Variants in SPATA16 observed in about 807,000 individuals in gnomAD.
SPATA16 encodes spermatogenesis associated 16.
In SPATA16, 36 loss-of-function variants were observed where a neutral mutation model predicts 63.3. That is an observed-to-expected ratio of 0.57 (90% CI 0.44 to 0.75). The LOEUF is 0.75. Ranked by LOEUF, SPATA16 falls within the 30% of genes least tolerant of loss-of-function variation. SPATA16 has a pLI of 0.00. For synonymous variants in SPATA16, 203 were observed against 216.7 expected (o/e 0.94, Z 0.56); for missense variants, 646 against 679.3 (o/e 0.95, Z 0.54).
intron 5 of SPATA16, among the ~76,000 whole-genome samples, chr3:172,971,050 G>T (rs142072912): frequency 5.8e-4 from 88 of 152,220 alleles, no homozygotes; most frequent in African/African-American, 2.1e-3. Flanking sequence ...TGATTCTCTG[G>T]TCTGTTTAGA....
intron 8 of SPATA16, among the ~76,000 whole-genome samples, chr3:172,923,811 G>A (rs1380008180): frequency 2.0e-5 from 3 of 152,118 alleles, no homozygotes; most frequent in African/African-American, 7.2e-5. Flanking sequence ...ATCTTGAAAA[G>A]GTCTGAATTC....
At chr3:173,049,567 G>A (rs1449352633) in intron 2 of SPATA16, among the ~76,000 whole-genome samples, 1 of 152,074 alleles carries the variant, frequency 6.6e-6, no homozygotes, top group Non-Finnish European at 1.5e-5. Context: ...ATAATAAGAG[G>A]TATCGGAAGT....
intron 4 of SPATA16, among the ~76,000 whole-genome samples, chr3:173,014,692 C>T (rs1482026727): frequency 6.6e-6 from 1 of 152,222 alleles, no homozygotes; most frequent in Non-Finnish European, 1.5e-5. Context: ...GTTGAACCTA[C>T]ATTCCCATAG....
At chr3:172,891,651 T>C (rs1256436769) in intron 10 of SPATA16, among the ~76,000 whole-genome samples, 1 of 152,244 alleles carries the variant, frequency 6.6e-6, no homozygotes, top group East Asian at 1.9e-4. Flanking sequence ...GTTTCACTTG[T>C]ATCTCTGGTG....
intron 6 of SPATA16, among the ~76,000 whole-genome samples, chr3:172,940,997 A>G (rs1187507870): frequency 6.6e-6 from 1 of 152,186 alleles, no homozygotes; most frequent in Non-Finnish European, 1.5e-5. Context: ...GATAAAAATA[A>G]AAATAAAATA....
chr3:173,131,154 G>GA (rs966171557), intron 1 of SPATA16, among the ~76,000 whole-genome samples: 1 of 151,752 alleles, frequency 6.6e-6, no homozygotes, highest in Non-Finnish European at 1.5e-5. Flanking sequence ...GAACTGCTTG[G>GA]AAAAAAAATT....
chr3:172,940,352 T>A (rs1203053032), intron 6 of SPATA16, among the ~76,000 whole-genome samples: 1 of 152,204 alleles, frequency 6.6e-6, no homozygotes. Context: ...TGTGGATAGT[T>A]ATCAGAATTG....
intron 5 of SPATA16, among the ~76,000 whole-genome samples, chr3:172,968,549 G>A (rs1258337470): frequency 6.6e-6 from 1 of 152,154 alleles, no homozygotes; most frequent in African/African-American, 2.4e-5. Context: ...CTATGTATAT[G>A]TATATAGTAA....
intron 10 of SPATA16, among the ~76,000 whole-genome samples, chr3:172,906,717 A>T (rs1255039619): frequency 6.6e-6 from 1 of 152,120 alleles, no homozygotes; most frequent in African/African-American, 2.4e-5. Flanking sequence ...GCAAACTGCT[A>T]AACTTCTCTC....
At chr3:172,993,281 A>G (rs1734622464) in intron 4 of SPATA16, among the ~76,000 whole-genome samples, 1 of 152,162 alleles carries the variant, frequency 6.6e-6, no homozygotes, top group African/African-American at 2.4e-5. Flanking sequence ...TTAAGCTCAC[A>G]GGCAATGGAT....
At chr3:172,911,537 T>C (rs137900102) in intron 10 of SPATA16, among the ~76,000 whole-genome samples, 36 of 152,368 alleles carry the variant, frequency 2.4e-4, no homozygotes, top group Non-Finnish European at 5.0e-4. Context: ...CTTCATAAGT[T>C]ACTTAACCAT....
intron 3 of SPATA16, among the ~76,000 whole-genome samples, chr3:173,045,663 A>G (rs1735941326): frequency 6.6e-6 from 1 of 152,056 alleles, no homozygotes; most frequent in South Asian, 2.1e-4. Context: ...GACTAAATAT[A>G]CTATGCTGGC....
chr3:173,076,908 G>A (rs538858131), intron 2 of SPATA16, among the ~76,000 whole-genome samples: 108 of 152,192 alleles, frequency 7.1e-4, no homozygotes, highest in Middle Eastern at 3.4e-3. Flanking sequence ...ATAACAGGCA[G>A]CAAATCCTCA....
In SPATA16 at chr3:173,140,870, G is replaced by C. The variant is rs540601576; in HGVS notation, c.-19+233C>G. Among the ~76,000 whole-genome samples, 3 of 152,278 alleles carry C rather than the reference G, an allele frequency of 2.0e-5. No homozygotes were observed. In the South Asian group the frequency reaches 6.2e-4, roughly 32 times the overall value. On this transcript the variant is annotated intron_variant, in intron 1 of 10. Coordinates refer to ENST00000351008, the MANE Select transcript of SPATA16 (RefSeq NM_031955.6). ...TAGGGTGACCCGGTGCAGCGGACAG[G>C]GAACCACTTTGGAACTACCTGTCTT...
rs1000801500 is a variant in SPATA16 at position 172,968,610 on chromosome 3, C to T, written c.933+8358G>A. Among the ~76,000 whole-genome samples the T allele has an allele frequency of 1.3e-5, 2 of 152,148 alleles. 1 individual carries two copies. Among genetic ancestry groups the T allele is most frequent in the Admixed American group, 1.3e-4 (2 of 15,262 alleles). ...GTATGGTTCAGGTTCTTGCCTCTCT[C>T]CCCCCTTTCTTCCCTTTCTTTCTAA... On this transcript the variant is annotated intron_variant, in intron 5 of 10. Coordinates refer to ENST00000351008, the MANE Select transcript of SPATA16 (RefSeq NM_031955.6).
At chr3:172,897,252 A>C (rs895927108) in intron 10 of SPATA16, among the ~76,000 whole-genome samples, 2 of 152,160 alleles carry the variant, frequency 1.3e-5, no homozygotes, top group African/African-American at 4.8e-5. Context: ...TTATAAAAAC[A>C]ATCAGTACAG....
chr3:173,012,155 A>T (rs113292820), intron 4 of SPATA16, among the ~76,000 whole-genome samples: 3,729 of 152,244 alleles, frequency 0.024, 146 homozygotes, highest in African/African-American at 0.084. Flanking sequence ...TCAAGCTCAG[A>T]GTCAAATCAA....
intron 2 of SPATA16, among the ~76,000 whole-genome samples, chr3:173,052,138 A>T (rs1347546148): frequency 6.6e-6 from 1 of 152,156 alleles, no homozygotes; most frequent in Non-Finnish European, 1.5e-5. Context: ...ATAATGTGGA[A>T]GTCATTCAGT....
intron 3 of SPATA16, among the ~76,000 whole-genome samples, chr3:173,026,700 C>T (rs977036587): frequency 5.9e-5 from 9 of 151,852 alleles, no homozygotes; most frequent in African/African-American, 1.9e-4. Context: ...TATTGAATAA[C>T]CTTGACATGA....
Sources: allele counts gnomAD v4.1 joint callset (sites outside exome capture counted in the v4.1 genomes callset), GRCh38; gene constraint gnomAD v4.1.1; transcripts MANE v1.5; gene names NCBI Gene and HGNC (gene_info 2026-07-23, HGNC 2026-07-21).